The following HUWE1 variants were observed in gnomAD, a reference collection of about 807,000 sequenced individuals.
The protein encoded by HUWE1 is HECT, UBA and WWE domain containing E3 ubiquitin protein ligase 1.
A neutral mutation model predicts 299.4 loss-of-function variants in HUWE1; 18 were observed. That is an observed-to-expected ratio of 0.06 (90% CI 0.04 to 0.09). The LOEUF (loss-of-function observed/expected upper bound fraction) is 0.09. Ranked by LOEUF, HUWE1 falls within the 10% of genes least tolerant of loss-of-function variation. The pLI, the probability that HUWE1 is intolerant of heterozygous loss-of-function variation, is 1.00. For missense variants in HUWE1, 1,832 were observed against 3,462.3 expected (o/e 0.53, Z 11.82); for synonymous variants, 1,317 against 1,286.1 (o/e 1.02, Z -0.51).
intron 3 of HUWE1, among the ~76,000 whole-genome samples, chrX:53,675,791 A>C (rs2069788087): frequency 1.8e-5 from 2 of 111,765 alleles, no homozygotes; most frequent in African/African-American, 6.5e-5. Flanking sequence ...GGTGCTGCCC[A>C]AATGTGTTAA....
intron 43 of HUWE1, among the ~76,000 whole-genome samples, chrX:53,579,170 G>C: frequency 2.0e-5 from 1 of 50,933 alleles, no homozygotes. Flanking sequence ...CCTCTGCCCG[G>C]CCAGCCGCCC....
chrX:53,628,981 A>G (rs2066696406), intron 13 of HUWE1, 79 bp from the exon 14 acceptor site: 3 of 859,553 alleles, frequency 3.5e-6, no homozygotes, highest in African/African-American at 2.0e-5. Flanking sequence ...CTAATATCCA[A>G]ACTTTAAAAT....
At chrX:53,579,105 G>A (rs1372046608) in intron 43 of HUWE1, among the ~76,000 whole-genome samples, 1 of 76,192 alleles carries the variant, frequency 1.3e-5, no homozygotes, top group African/African-American at 5.3e-5. Flanking sequence ...CAGCCGCCCC[G>A]TCTGGGAGGT....
intron 12 of HUWE1, 68 bp from the exon 13 acceptor site, chrX:53,629,684 T>G: frequency 3.0e-6 from 2 of 672,942 alleles, no homozygotes; most frequent in Non-Finnish European, 4.8e-6. Flanking sequence ...ATAACAAACT[T>G]TTTGGTATCT....
At position 53,645,373 on chromosome X, in the gene HUWE1, T is replaced by C. The variant is rs1177994581; in HGVS notation, c.442A>G (p.Ile148Val). 8.3e-7 allele frequency: 1 copy of C among 1,210,335 alleles called. No homozygotes were observed. Among genetic ancestry groups the C allele is most frequent in the Non-Finnish European group, 1.1e-6 (1 of 894,793 alleles). Residue 148 changes from isoleucine to valine, a missense_variant, in exon 7 of 84, where the codon ATC becomes GTC. Transcript: ENST00000262854. The stretch of plus-strand genomic sequence containing the variant: ...CTCTTGTCAGATCCCAGACGAGTGA[T>C]GTAGTTTGATCTTTTGCTAAATACA... ...LYVFSKRSNY[I>V]TRLGSDKRTP...
intron 40 of HUWE1, 95 bp from the exon 41 acceptor site, chrX:53,584,440 C>T (rs2148317595): frequency 9.7e-6 from 7 of 720,365 alleles, no homozygotes; most frequent in Non-Finnish European, 1.2e-5. Context: ...AATGCTACAA[C>T]AGGAAGGAAC....
Position 53,558,757 on chromosome X carries a change from C to T in HUWE1, c.8058G>A (p.Leu2686=), listed in dbSNP as rs1244846258. The change falls in exon 59 of 84, where the codon CTG becomes CTA. Residue 2686 remains leucine, a synonymous_variant. Transcript: ENST00000262854. The part of the protein sequence containing the change: ...NHLEFLRDEE[L]EERREKRRKQ... ...TCCTGCGCTTCTCTCGCCTTTCTTC[C>T]AGCTCCTCATCCCTCAGGAATTCCA... is the stretch of plus-strand genomic sequence containing the variant. 8.3e-6 allele frequency: 10 copies of T among 1,209,534 alleles called. No individual in the cohort carries two copies. The highest frequency in any genetic ancestry group is 1.8e-5 in the African/African-American group (1 of 57,142).
At chrX:53,546,654 G>A (rs782607717) in intron 69 of HUWE1, 50 bp downstream of exon 69, 2 of 1,209,281 alleles carry the variant, frequency 1.7e-6, no homozygotes, top group Non-Finnish European at 2.2e-6. Flanking sequence ...TATCTACCCT[G>A]TTTATCCTTT....
At chrX:53,640,374 C>G (rs1293440519) in intron 7 of HUWE1, among the ~76,000 whole-genome samples, 1 of 111,049 alleles carries the variant, frequency 9.0e-6, no homozygotes, top group Non-Finnish European at 1.9e-5. Context: ...AAAATAAATA[C>G]ATAAATAAAA....
intron 25 of HUWE1, among the ~76,000 whole-genome samples, chrX:53,605,223 A>G (rs782164207): frequency 8.9e-6 from 1 of 112,615 alleles, no homozygotes; most frequent in East Asian, 2.8e-4. Context: ...TCTTAAAACA[A>G]AAGCGATTAT....
intron 3 of HUWE1, among the ~76,000 whole-genome samples, chrX:53,666,111 T>C (rs1196120861): frequency 6.2e-5 from 7 of 112,826 alleles, no homozygotes; most frequent in African/African-American, 2.2e-4. Context: ...TGTCAGAAGT[T>C]ATTTTAAAAT....
At chrX:53,583,508 C>T in intron 42 of HUWE1, 50 bp downstream of exon 42, 1 of 879,604 alleles carries the variant, frequency 1.1e-6, no homozygotes, top group Non-Finnish European at 1.7e-6. Flanking sequence ...CCAAGGAGAA[C>T]ATAGGTATGA....
chrX:53,676,833 T>C (rs782493367), intron 3 of HUWE1, among the ~76,000 whole-genome samples: 3 of 112,048 alleles, frequency 2.7e-5, no homozygotes, highest in Non-Finnish European at 5.6e-5. Flanking sequence ...CTTTTGAAGA[T>C]GACAGGGGAC....
At position 53,586,397 on chromosome X, in the gene HUWE1, T is replaced by G. The variant is rs2063859689; in HGVS notation, c.4824+93A>C. The G allele has an allele frequency of 8.7e-6, 5 of 575,871 alleles. No individual in the cohort carries two copies. The Admixed American group carries it at 1.1e-4, about 12-fold the overall frequency. The allele number at this position is 575,871 out of a possible 1,213,427, so 47.5% of individuals were successfully genotyped here. ...GATTTATACATTGGTCAGAGACTTC[T>G]ATATTCTTCACTACTCTCTCATATT... is the stretch of plus-strand genomic sequence containing the variant. On this transcript the variant is annotated intron_variant, in intron 39 of 83. Transcript: ENST00000262854.
intron 2 of HUWE1, among the ~76,000 whole-genome samples, chrX:53,682,454 C>A (rs1177867187): frequency 2.7e-5 from 3 of 111,160 alleles, no homozygotes; most frequent in Non-Finnish European, 5.7e-5. Flanking sequence ...AACATGTAAT[C>A]TACAAAGGAG....
At chrX:53,561,484 T>A (rs2147646143) in intron 55 of HUWE1, among the ~76,000 whole-genome samples, 2 of 112,176 alleles carry the variant, frequency 1.8e-5, no homozygotes, top group South Asian at 7.4e-4. Context: ...GGTCTCTTTC[T>A]TTTTTTTAAT....
chrX:53,682,199 C>CATTTT lies in HUWE1; in HGVS notation c.-162-2018_-162-2014dup, dbSNP rs781932347. Among the ~76,000 whole-genome samples, 669 of 111,837 alleles carry CATTTT rather than the reference C, an allele frequency of 6.0e-3. 7 individuals carry two copies. Among genetic ancestry groups the CATTTT allele is most frequent in the African/African-American group, 0.021 (647 of 30,748 alleles). On this transcript the variant is annotated intron_variant, in intron 2 of 83. Transcript: ENST00000262854. ...TATTATGTGCCTACCATGAGCTAAA[C>CATTTT]ATTTTATTTTATTTTATTTTAACTA...
rs149628000 is a variant in HUWE1, at chrX:53,603,415, G to C, written c.2829C>G (p.Ser943=). 7 of 1,206,014 alleles carry C rather than the reference G, an allele frequency of 5.8e-6. No homozygotes were observed. In the African/African-American group the frequency reaches 1.2e-4, roughly 21 times the overall value. The change falls in exon 27 of 84, where the codon TCC becomes TCG. Residue 943 remains serine (S), a synonymous_variant. Transcript: ENST00000262854. ...GGAGGACAGTGCTTTCCCACACCAG[G>C]GAACAGTATAACTGGCTCAGCTTGC... The part of the protein sequence containing the change: ...VLSKLSQLYC[S]LVWESTVLLS...
At chrX:53,614,370 G>A (rs782426711) in intron 23 of HUWE1, among the ~76,000 whole-genome samples, 164 bp downstream of exon 23, 3 of 111,554 alleles carry the variant, frequency 2.7e-5, no homozygotes, top group Non-Finnish European at 3.8e-5. Flanking sequence ...ACACACAAGG[G>A]TCAAAAAAGG....
Sources: allele counts gnomAD v4.1 joint callset (sites outside exome capture counted in the v4.1 genomes callset), GRCh38; gene constraint gnomAD v4.1.1; transcripts MANE v1.5; gene names NCBI Gene and HGNC (gene_info 2026-07-23, HGNC 2026-07-21).